DMRT3: variants seen among roughly 807,000 people sequenced by gnomAD.
The protein encoded by DMRT3 is doublesex and mab-3 related transcription factor 3.
In DMRT3, 29 loss-of-function variants were observed where a neutral mutation model predicts 34.9. The observed-to-expected ratio is 0.83, with a 90% CI of 0.62 to 1.13. The LOEUF (loss-of-function observed/expected upper bound fraction) is 1.13, where lower values mean the gene tolerates loss of function less well. Among genes scored for constraint, DMRT3 ranks in the 50% most tolerant of loss-of-function variants. The pLI is 0.00. For synonymous variants in DMRT3, 350 were observed against 286.0 expected, an observed-to-expected ratio of 1.22 and a Z score of -2.26; for missense variants, 772 against 629.1, an observed-to-expected ratio of 1.23 and a Z score of -2.43.
intron 1 of DMRT3, among the ~76,000 whole-genome samples, chr9:984,515 G>A (rs192960382): frequency 1.3e-5 from 2 of 151,694 alleles, no homozygotes; most frequent in Non-Finnish European, 2.9e-5. Flanking sequence ...GAGTGCAGTG[G>A]TGAGATCTGC....
chr9:982,215 C>T lies in DMRT3; in HGVS notation c.454+4760C>T, dbSNP rs1820229742. The stretch of plus-strand genomic sequence containing the variant: ...TGGCGGTGGGGTCGCCTGTGCTCAT[C>T]TCCTAGTTCTTTCTCTGCAGAGCCC... On this transcript the variant is annotated intron_variant, in intron 1 of 1. Coordinates refer to ENST00000190165, the MANE Select transcript of DMRT3 (RefSeq NM_021240.4). Among the ~76,000 whole-genome samples the T allele has an allele frequency of 3.3e-5, 5 of 152,298 alleles. No individual in the cohort carries two copies. The South Asian group carries it at 8.3e-4, about 25-fold the overall frequency.
intron 1 of DMRT3, 98 bp downstream of exon 1, chr9:977,553 G>A: frequency 9.0e-7 from 1 of 1,115,398 alleles, no homozygotes; most frequent in Non-Finnish European, 1.1e-6. Context: ...CAAAGTTTTG[G>A]GACGTGGGCC....
intron 1 of DMRT3, among the ~76,000 whole-genome samples, chr9:984,068 G>A (rs1409345058): frequency 6.6e-6 from 1 of 152,128 alleles, no homozygotes; most frequent in African/African-American, 2.4e-5. Context: ...GTGAGATGAA[G>A]GTAAGAGAAA....
chr9:989,126 G>A (rs1247501024), intron 1 of DMRT3, among the ~76,000 whole-genome samples: 2 of 152,044 alleles, frequency 1.3e-5, no homozygotes, highest in Admixed American at 6.6e-5. Context: ...ATATAAAAAG[G>A]TATCTTCAAA....
intron 1 of DMRT3, among the ~76,000 whole-genome samples, chr9:985,948 G>A (rs571993942): frequency 2.0e-5 from 3 of 152,152 alleles, no homozygotes; most frequent in Non-Finnish European, 4.4e-5. Flanking sequence ...GTTGGTTTAC[G>A]CTGAATTTGT....
Position 976,814 on chromosome 9 carries a change from G to T in DMRT3, c.-188G>T. On this transcript the variant is annotated 5_prime_UTR_variant, in exon 1 of 2. Coordinates refer to ENST00000190165, the MANE Select transcript of DMRT3 (RefSeq NM_021240.4). This position sits in a 1 kb window ranked among gnomAD's most constrained non-coding sequence, Gnocchi z 4.5. ...TGAGCTGGGAGGCCGAGCTGTGAGC[G>T]CGAAGGGAGCTGGAGAGACGACTGC... 1 of 477,252 alleles carries T rather than the reference G, an allele frequency of 2.1e-6. No homozygotes were observed. The highest frequency in any genetic ancestry group is 3.4e-6 in the Non-Finnish European group (1 of 296,686). 29.6% of individuals were successfully genotyped at this position (477,252 alleles called of 1,614,324 possible). A position where few individuals can be genotyped will look rare whatever the true frequency, so the allele number is the denominator to read the frequency against.
At position 977,223 on chromosome 9, in the gene DMRT3, G is replaced by T; in HGVS notation, c.222G>T (p.Leu74=). Residue 74 remains leucine (L), a synonymous_variant, in exon 1 of 2, where the codon CTG becomes CTT. Coordinates refer to ENST00000190165, the MANE Select transcript of DMRT3 (RefSeq NM_021240.4). ...GGGTCATGGCTGCGCAGGTGGCGCT[G>T]CGCCGGCAGCAGGCCAACGAGAGCT... ...RQRVMAAQVA[L]RRQQANESLE... The T allele has an allele frequency of 6.2e-7, 1 of 1,601,988 alleles. No individual in the cohort carries two copies. The highest frequency in any genetic ancestry group is 8.5e-7 in the Non-Finnish European group (1 of 1,174,536).
intron 1 of DMRT3, among the ~76,000 whole-genome samples, chr9:979,754 GA>G (rs1563687321): frequency 6.6e-6 from 1 of 152,202 alleles, no homozygotes. Context: ...TTAAGCTGAA[GA>G]AAACTGCTCA....
chr9:982,275 G>A lies in DMRT3; in HGVS notation c.454+4820G>A, dbSNP rs909993752. Among the ~76,000 whole-genome samples, 3 of 152,144 alleles carry A rather than the reference G, an allele frequency of 2.0e-5. No homozygotes were observed. In the South Asian group the frequency reaches 6.2e-4, roughly 32 times the overall value. On this transcript the variant is annotated intron_variant, in intron 1 of 1. Coordinates refer to ENST00000190165, the MANE Select transcript of DMRT3 (RefSeq NM_021240.4). The stretch of plus-strand genomic sequence containing the variant: ...GGGACTGGCGTCAGGGAGGTGCTGG[G>A]GTCCATCCTGTGGATCTGGGACGGT...
intron 1 of DMRT3, among the ~76,000 whole-genome samples, chr9:981,248 G>A (rs1006355391): frequency 3.3e-5 from 5 of 151,792 alleles, no homozygotes; most frequent in African/African-American, 4.8e-5. Flanking sequence ...ACTGGGTCCC[G>A]CAAAGTCCAC....
intron 1 of DMRT3, among the ~76,000 whole-genome samples, chr9:979,610 A>T (rs438293): frequency 0.84 from 126,258 of 150,588 alleles, 53,131 homozygotes; most frequent in African/African-American, 0.9. Flanking sequence ...CCATTTTTTT[A>T]AAAAAAAGCA....
intron 1 of DMRT3, among the ~76,000 whole-genome samples, chr9:984,699 C>A (rs915284076): frequency 2.6e-5 from 4 of 152,108 alleles, no homozygotes; most frequent in Admixed American, 2.6e-4. Flanking sequence ...CCTCGTGATC[C>A]ACCTGCCTCG....
rs772567694 is a variant in DMRT3 at position 990,380 on chromosome 9, CG to C, written c.796del (p.Val266CysfsTer14). ...AAGATATTCCCCAACCAGAAGCCAA[CG>C]GTGCTTGAGCTCATCCTCAAGGGCT... The part of the protein sequence containing the change: ...LKKIFPNQKP[T>X]VLELILKGCG... On this transcript the variant is annotated frameshift_variant, in exon 2 of 2. Transcript: ENST00000190165. LOFTEE classifies it high-confidence loss of function. 4 of 1,614,018 alleles carry C rather than the reference CG, an allele frequency of 2.5e-6. No individual in the cohort carries two copies. Among genetic ancestry groups the C allele is most frequent in the Non-Finnish European group, 1.7e-6 (2 of 1,180,034 alleles).
chr9:977,352 G>GC lies in DMRT3; in HGVS notation c.353dup (p.Gln119AlafsTer37). ...CGCCGCCAGCCTCTCAGCCGTCGCAGCCGCAGCCGCCGCGCCCTGCTGCCG... is the reference window on the plus strand; with the variant it reads ...CGCCGCCAGCCTCTCAGCCGTCGCAGCCCGCAGCCGCCGCGCCCTGCTGCCG... On this transcript the variant is annotated frameshift_variant, in exon 1 of 2. Transcript: ENST00000190165. LOFTEE classifies it high-confidence loss of function. 1 of 1,236,616 alleles carries GC rather than the reference G, an allele frequency of 8.1e-7. No individual in the cohort carries two copies. The highest frequency in any genetic ancestry group is 1.0e-6 in the Non-Finnish European group (1 of 993,212). 76.6% of individuals were successfully genotyped at this position (1,236,616 alleles called of 1,614,324 possible).
chr9:983,144 C>T (rs1820242362), intron 1 of DMRT3, among the ~76,000 whole-genome samples: 2 of 152,072 alleles, frequency 1.3e-5, no homozygotes. Flanking sequence ...CATTTTATTG[C>T]ATAAACAGCT....
At chr9:982,176 C>A (rs551617252) in intron 1 of DMRT3, among the ~76,000 whole-genome samples, 4 of 152,256 alleles carry the variant, frequency 2.6e-5, no homozygotes, top group Non-Finnish European at 4.4e-5. Flanking sequence ...CCAGTACCCA[C>A]GCAGGGCACC....
chr9:987,225 C>A (rs1465507576), intron 1 of DMRT3, among the ~76,000 whole-genome samples: 4 of 152,180 alleles, frequency 2.6e-5, no homozygotes, highest in African/African-American at 9.7e-5. Context: ...TTTCCTCCAG[C>A]CCCTGACAAC....
Position 990,428 on chromosome 9 carries a change from C to T in DMRT3, c.842C>T (p.Ala281Val), listed in dbSNP as rs768686675. ...GGCTGTGGCGGGGACCTGGTGAGCG[C>T]CGTGGAAGTCCTTCTGTCCAGCCGA... ...LKGCGGDLVS[A>V]VEVLLSSRSS... Residue 281 changes from alanine to valine, a missense_variant, in exon 2 of 2, where the codon GCC (alanine) becomes GTC (valine). Physicochemically the swap from Ala to Val is moderately conservative, Grantham distance 64. Coordinates refer to ENST00000190165, the MANE Select transcript of DMRT3 (RefSeq NM_021240.4). The T allele has an allele frequency of 1.9e-6, 3 of 1,614,114 alleles. No homozygotes were observed. The highest frequency in any genetic ancestry group is 8.5e-7 in the Non-Finnish European group (1 of 1,180,026).
In DMRT3 at chr9:979,462, A is replaced by G. The variant is rs1820189754; in HGVS notation, c.454+2007A>G. ...TAGGATTTATCACAAGGCGAGGTCC[A>G]AGTGAGGACTTTGGGGGACCGAGGC... On this transcript the variant is annotated intron_variant, in intron 1 of 1. Transcript: ENST00000190165. Among the ~76,000 whole-genome samples, 6 of 152,320 alleles carry G rather than the reference A, an allele frequency of 3.9e-5. No individual in the cohort carries two copies. The South Asian group carries it at 1.0e-3, about 26-fold the overall frequency.
Sources: gnomAD v4.1 joint callset for allele counts (sites outside exome capture counted in the v4.1 genomes callset) on GRCh38, gnomAD v4.1.1 for gene constraint, Gnocchi (gnomAD v3.1) non-coding constraint, MANE v1.5 for transcripts, NCBI Gene and HGNC (gene_info 2026-07-23, HGNC 2026-07-21) for gene names.